Variants in C12orf42 observed in about 807,000 individuals in gnomAD.
The protein encoded by C12orf42 is chromosome 12 open reading frame 42, also known as uncharacterized protein C12orf42.
In C12orf42, 25 loss-of-function variants were observed where a neutral mutation model predicts 21.6. That is an observed-to-expected ratio of 1.16 (90% CI 0.84 to 1.62). The LOEUF (loss-of-function observed/expected upper bound fraction) is 1.62. C12orf42 is among the 40% of genes most tolerant of loss of function. C12orf42 has a pLI of 0.00. For missense variants in C12orf42, 483 were observed against 459.3 expected, an observed-to-expected ratio of 1.05 and a Z score of -0.47; for synonymous variants, 174 against 175.0, an observed-to-expected ratio of 0.99 and a Z score of 0.05.
chr12:103,485,680 T>G (rs1458598843), intron 1 of C12orf42, among the ~76,000 whole-genome samples: 4 of 152,226 alleles, frequency 2.6e-5, no homozygotes, highest in Non-Finnish European at 5.9e-5. Context: ...CTCAAAGAGG[T>G]CCTTCACATC....
chr12:103,093,657 C>T, the C12orf42 span, among the ~76,000 whole-genome samples: 1 of 152,162 alleles, frequency 6.6e-6, no homozygotes, highest in African/African-American at 2.4e-5. Flanking sequence ...AGCCTGCATT[C>T]CTGGGGACAG....
the C12orf42 span, among the ~76,000 whole-genome samples, chr12:103,127,134 C>T: frequency 1.3e-5 from 2 of 152,190 alleles, no homozygotes; most frequent in East Asian, 1.9e-4. Context: ...CATTTGATGG[C>T]ATGACCTTTC....
intron 1 of C12orf42, among the ~76,000 whole-genome samples, chr12:103,491,545 C>T (rs778864439): frequency 6.6e-6 from 1 of 152,228 alleles, no homozygotes; most frequent in Non-Finnish European, 1.5e-5. Flanking sequence ...TCCACCTCTA[C>T]ACTCTATTGT....
At chr12:103,527,394 C>A in the C12orf42 span, among the ~76,000 whole-genome samples, 1 of 152,008 alleles carries the variant, frequency 6.6e-6, no homozygotes, top group Admixed American at 6.6e-5. Flanking sequence ...GGCGGTGGGG[C>A]CTAATGGAAG....
At chr12:103,125,633 T>C in the C12orf42 span, among the ~76,000 whole-genome samples, 2 of 152,200 alleles carry the variant, frequency 1.3e-5, no homozygotes, top group African/African-American at 4.8e-5. Context: ...CTATATTGTA[T>C]ACCAAAATGT....
At chr12:103,517,000 G>A in the C12orf42 span, among the ~76,000 whole-genome samples, 1 of 152,212 alleles carries the variant, frequency 6.6e-6, no homozygotes, top group East Asian at 1.9e-4. Flanking sequence ...GAAAGACCAG[G>A]ACATGAATCA....
chr12:103,299,379 A>G, downstream of C12orf42, among the ~76,000 whole-genome samples: 1 of 151,774 alleles, frequency 6.6e-6, no homozygotes, highest in East Asian at 1.9e-4. Context: ...TATTATAAAA[A>G]GAGTCCTTAT....
At chr12:103,232,510 C>T in the C12orf42 span, among the ~76,000 whole-genome samples, 1 of 152,022 alleles carries the variant, frequency 6.6e-6, no homozygotes, top group African/African-American at 2.4e-5. Context: ...AGATCGAGAC[C>T]ATCCTGGCTA....
chr12:103,243,644 T>C (rs1249408296), intron 10 of C12orf42, among the ~76,000 whole-genome samples: 1 of 152,166 alleles, frequency 6.6e-6, no homozygotes, highest in Non-Finnish European at 1.5e-5. Flanking sequence ...AAAATGCTTC[T>C]CTTTGTTAGC....
chr12:103,147,749 G>T, the C12orf42 span, among the ~76,000 whole-genome samples: 1 of 151,232 alleles, frequency 6.6e-6, no homozygotes, highest in East Asian at 2.0e-4. Flanking sequence ...CCGTGTACAG[G>T]TCCCTGGTCC....
chr12:103,348,171 G>C (rs566316260), intron 4 of C12orf42, among the ~76,000 whole-genome samples: 1 of 152,280 alleles, frequency 6.6e-6, no homozygotes, highest in East Asian at 1.9e-4. Flanking sequence ...CTTGAACCAT[G>C]CTGGAATGTA....
the C12orf42 span, among the ~76,000 whole-genome samples, chr12:103,056,181 C>T: frequency 6.6e-6 from 1 of 152,106 alleles, no homozygotes; most frequent in South Asian, 2.1e-4. Context: ...TTTCCTTTTA[C>T]TTTTATCAGA....
At chr12:103,474,325 G>C (rs11111598) in intron 2 of C12orf42, among the ~76,000 whole-genome samples, 3,959 of 152,198 alleles carry the variant, frequency 0.026, 148 homozygotes, top group African/African-American at 0.089. Flanking sequence ...GAAAATTGTA[G>C]AGTGCCATTT....
chr12:103,125,439 C>T, the C12orf42 span, among the ~76,000 whole-genome samples: 1 of 152,128 alleles, frequency 6.6e-6, no homozygotes, highest in Non-Finnish European at 1.5e-5. Flanking sequence ...CAGATGGTTG[C>T]AAGAACAATT....
chr12:103,294,639 G>GAAAGAAAA (rs1566026190), intron 4 of C12orf42, among the ~76,000 whole-genome samples: 2 of 119,110 alleles, frequency 1.7e-5, no homozygotes, highest in African/African-American at 6.3e-5. Context: ...AAAGAAAGAA[G>GAAAGAAAA]GAAAAGAAAG....
chr12:103,129,232 G>C, the C12orf42 span, among the ~76,000 whole-genome samples: 1 of 152,202 alleles, frequency 6.6e-6, no homozygotes, highest in Admixed American at 6.5e-5. Flanking sequence ...AGGCCCAGGG[G>C]AGTGCTTGGC....
chr12:103,055,371 T>G, the C12orf42 span, among the ~76,000 whole-genome samples: 43 of 152,044 alleles, frequency 2.8e-4, no homozygotes, highest in African/African-American at 1.0e-3. Flanking sequence ...GTTATCTTTG[T>G]TATCCTTTTG....
intron 2 of C12orf42, among the ~76,000 whole-genome samples, chr12:103,417,021 A>G (rs2049405482): frequency 6.6e-6 from 1 of 152,148 alleles, no homozygotes; most frequent in Admixed American, 6.6e-5. Flanking sequence ...TACCTTCCCT[A>G]TCTCACTGTA....
chr12:103,488,276 G>GC (rs1449091055), intron 1 of C12orf42, among the ~76,000 whole-genome samples: 1 of 152,112 alleles, frequency 6.6e-6, no homozygotes. Context: ...TTGAATATTG[G>GC]CCCCCACTCT....
Sources: gnomAD v4.1 joint callset for allele counts (sites outside exome capture counted in the v4.1 genomes callset) on GRCh38, gnomAD v4.1.1 for gene constraint, MANE v1.5 for transcripts, NCBI Gene and HGNC (gene_info 2026-07-23, HGNC 2026-07-21) for gene names.